TMPRSS15: variants seen among roughly 807,000 people sequenced by gnomAD.
TMPRSS15 encodes transmembrane serine protease 15, also known as enteropeptidase.
A neutral mutation model predicts 125.3 loss-of-function variants in TMPRSS15; 128 were observed. That is an observed-to-expected ratio of 1.02 (90% confidence interval 0.89 to 1.18). The LOEUF is 1.18. TMPRSS15 is among the 50% of genes most tolerant of loss of function. TMPRSS15 has a pLI of 0.00. For missense variants in TMPRSS15, 1,283 were observed against 1,212.7 expected, an observed-to-expected ratio of 1.06 and a Z score of -0.86; for synonymous variants, 446 against 423.2, an observed-to-expected ratio of 1.05 and a Z score of -0.66.
chr21:18,319,173 A>G (rs1381369470), intron 16 of TMPRSS15, among the ~76,000 whole-genome samples: 1 of 152,132 alleles, frequency 6.6e-6, no homozygotes, highest in Non-Finnish European at 1.5e-5. Flanking sequence ...AAGTAATATG[A>G]CCTTGGTTGA....
intron 18 of TMPRSS15, among the ~76,000 whole-genome samples, chr21:18,307,738 G>A (rs544522045): frequency 5.9e-5 from 9 of 152,044 alleles, no homozygotes; most frequent in East Asian, 1.9e-4. Context: ...TGGAAGGAAC[G>A]TAAATGTAGG....
At chr21:18,447,855 G>A (rs2076258979) in intron 1 of TMPRSS15, among the ~76,000 whole-genome samples, 1 of 152,076 alleles carries the variant, frequency 6.6e-6, no homozygotes, top group African/African-American at 2.4e-5. Context: ...GTCTTTAGTA[G>A]CAGCATGAGA....
chr21:18,356,841 T>C (rs1285834473), intron 8 of TMPRSS15, among the ~76,000 whole-genome samples: 1 of 151,888 alleles, frequency 6.6e-6, no homozygotes, highest in Non-Finnish European at 1.5e-5. Context: ...GAATATACAC[T>C]ATGTTTATTG....
At position 18,372,219 on chromosome 21, in the gene TMPRSS15, C is replaced by A; in HGVS notation, c.638G>T (p.Gly213Val). The change falls in exon 6 of 25, where the codon GGT becomes GTT. Residue 213 changes from glycine (G) to valine (V), a missense_variant. Transcript: ENST00000284885. Reference protein sequence around the residue: ...FCDGEVNCPDGSDEDNKMCAT... With the variant: ...FCDGEVNCPDVSDEDNKMCAT... ...ACACATTTTATTGTCTTCGTCAGAA[C>A]CATCTGGACAGTTTACTTCTCCATC... 6.2e-7 allele frequency: 1 copy of A among 1,602,322 alleles called. No individual in the cohort carries two copies. Among genetic ancestry groups the A allele is most frequent in the Non-Finnish European group, 8.5e-7 (1 of 1,172,844 alleles).
At chr21:18,421,744 G>T (rs924877953) in intron 1 of TMPRSS15, among the ~76,000 whole-genome samples, 5 of 152,126 alleles carry the variant, frequency 3.3e-5, no homozygotes, top group Admixed American at 2.6e-4. Context: ...TGTAAGACAT[G>T]AATAAGATTT....
intron 6 of TMPRSS15, among the ~76,000 whole-genome samples, chr21:18,369,975 A>AAC (rs2075775942): frequency 6.7e-5 from 10 of 149,340 alleles, no homozygotes; most frequent in Admixed American, 5.3e-4. Flanking sequence ...TACTTAAACG[A>AAC]AAAAAAAAAA....
intron 10 of TMPRSS15, among the ~76,000 whole-genome samples, chr21:18,350,112 AT>A (rs1310703464): frequency 6.6e-6 from 1 of 152,108 alleles, no homozygotes; most frequent in Non-Finnish European, 1.5e-5. Flanking sequence ...AAAAGATCAG[AT>A]TATTTGACTG....
intron 1 of TMPRSS15, among the ~76,000 whole-genome samples, chr21:18,481,713 A>T (rs1037971715): frequency 1.3e-5 from 2 of 151,672 alleles, no homozygotes; most frequent in African/African-American, 2.4e-5. Flanking sequence ...GAGTAAAATT[A>T]AATTTTACTC....
chr21:18,407,600 T>A (rs2076155809), upstream of TMPRSS15, among the ~76,000 whole-genome samples: 1 of 151,878 alleles, frequency 6.6e-6, no homozygotes, highest in Non-Finnish European at 1.5e-5. Flanking sequence ...GTGTGTGCCA[T>A]CATGCCCAGA....
chr21:18,459,171 C>T (rs1351040411), intron 1 of TMPRSS15, among the ~76,000 whole-genome samples: 3 of 152,100 alleles, frequency 2.0e-5, no homozygotes, highest in African/African-American at 7.2e-5. Context: ...AAATTTTCCC[C>T]CAGTTAATTT....
chr21:18,389,832 A>C (rs956558569), intron 3 of TMPRSS15, among the ~76,000 whole-genome samples: 14 of 152,164 alleles, frequency 9.2e-5, no homozygotes, highest in African/African-American at 3.4e-4. Flanking sequence ...TGATGATCCG[A>C]TACCAATTAT....
chr21:18,389,895 A>C (rs1174291853), intron 3 of TMPRSS15, among the ~76,000 whole-genome samples: 1 of 152,054 alleles, frequency 6.6e-6, no homozygotes, highest in African/African-American at 2.4e-5. Context: ...TGTGAGACTA[A>C]CCTTTCTATA....
At chr21:18,461,664 T>A (rs1428123878) in intron 1 of TMPRSS15, among the ~76,000 whole-genome samples, 1 of 152,156 alleles carries the variant, frequency 6.6e-6, no homozygotes, top group East Asian at 1.9e-4. Context: ...GAAATAAAAT[T>A]GAACCTCACA....
chr21:18,304,129 G>C (rs117631800), intron 18 of TMPRSS15, among the ~76,000 whole-genome samples: 27 of 152,220 alleles, frequency 1.8e-4, no homozygotes, highest in Non-Finnish European at 3.8e-4. Context: ...TCTATGCCAG[G>C]GTTCGTGGGG....
At chr21:18,358,771 G>A (rs935590986) in intron 8 of TMPRSS15, among the ~76,000 whole-genome samples, 6 of 151,850 alleles carry the variant, frequency 4.0e-5, no homozygotes, top group Non-Finnish European at 8.8e-5. Context: ...AGAAGAAAAT[G>A]CACATTGATT....
At chr21:18,428,078 T>A (rs928508935) in intron 1 of TMPRSS15, among the ~76,000 whole-genome samples, 1 of 152,296 alleles carries the variant, frequency 6.6e-6, no homozygotes, top group South Asian at 2.1e-4. Flanking sequence ...TTTTCACTAA[T>A]CTCCTGGGTT....
chr21:18,347,434 G>T (rs1416143350), intron 10 of TMPRSS15, among the ~76,000 whole-genome samples: 1 of 151,900 alleles, frequency 6.6e-6, no homozygotes, highest in Non-Finnish European at 1.5e-5. Context: ...ATGGAGTTTC[G>T]CCATGTTAGC....
intron 1 of TMPRSS15, among the ~76,000 whole-genome samples, chr21:18,402,212 T>C (rs1170087142): frequency 6.6e-6 from 1 of 152,140 alleles, no homozygotes; most frequent in Non-Finnish European, 1.5e-5. Flanking sequence ...AACCCAACAA[T>C]TGTGAATTTA....
At chr21:18,425,241 A>G (rs2076200238) in intron 1 of TMPRSS15, among the ~76,000 whole-genome samples, 1 of 152,122 alleles carries the variant, frequency 6.6e-6, no homozygotes, top group Non-Finnish European at 1.5e-5. Flanking sequence ...TACATTGATT[A>G]GCTATTAATG....
Sources: gnomAD v4.1 joint callset for allele counts (sites outside exome capture counted in the v4.1 genomes callset) on GRCh38, gnomAD v4.1.1 for gene constraint, MANE v1.5 for transcripts, NCBI Gene and HGNC (gene_info 2026-07-23, HGNC 2026-07-21) for gene names.